The following MEI4 variants were observed in gnomAD, a reference collection of about 807,000 sequenced individuals.
MEI4 encodes the protein meiosis-specific protein MEI4.
A neutral mutation model predicts 31.4 loss-of-function variants in MEI4; 27 were observed. That is an observed-to-expected ratio of 0.86 (90% CI 0.63 to 1.19). The LOEUF (loss-of-function observed/expected upper bound fraction) is 1.19, where lower values mean the gene tolerates loss of function less well. Among genes scored for constraint, MEI4 ranks in the 50% most tolerant of loss-of-function variants. The pLI is 0.00. For synonymous variants in MEI4, 122 were observed against 145.4 expected (o/e 0.84, Z 1.16); for missense variants, 329 against 398.9 (o/e 0.82, Z 1.49).
intron 2 of MEI4, among the ~76,000 whole-genome samples, chr6:77,708,257 C>T (rs1170733300): frequency 6.6e-6 from 1 of 152,222 alleles, no homozygotes; most frequent in Non-Finnish European, 1.5e-5. Context: ...ATATGGGACA[C>T]TGAATCAAGG....
At chr6:77,708,113 T>C (rs1766371893) in intron 2 of MEI4, among the ~76,000 whole-genome samples, 2 of 152,168 alleles carry the variant, frequency 1.3e-5, no homozygotes, top group Admixed American at 6.5e-5. Context: ...GATTTGAGAA[T>C]GTTAGAGCCA....
chr6:77,695,323 C>T (rs558822882), intron 2 of MEI4, among the ~76,000 whole-genome samples: 1 of 151,890 alleles, frequency 6.6e-6, no homozygotes, highest in South Asian at 2.1e-4. Context: ...GTGTTTTAGA[C>T]ATGAAGTCCT....
At chr6:77,687,707 TA>T (rs890394748) in intron 1 of MEI4, among the ~76,000 whole-genome samples, 1 of 152,016 alleles carries the variant, frequency 6.6e-6, no homozygotes, top group African/African-American at 2.4e-5. Flanking sequence ...CAGTTTACTA[TA>T]AAAAATACAG....
At position 77,677,501 on chromosome 6, in the gene MEI4, C is replaced by A. The variant is rs142735784; in HGVS notation, c.-14-13157C>A. On this transcript the variant is annotated intron_variant, in intron 1 of 4. Transcript: ENST00000684080. ...CTAGTATAGTGTATCTAATGGATCACAAAGTACTTTTGATTTTACTTCAGT... is the reference window on the plus strand; with the variant it reads ...CTAGTATAGTGTATCTAATGGATCAAAAAGTACTTTTGATTTTACTTCAGT... Among the ~76,000 whole-genome samples the A allele has an allele frequency of 6.6e-4, 101 of 152,302 alleles. 1 individual carries two copies. The highest frequency in any genetic ancestry group is 2.3e-3 in the African/African-American group (97 of 41,564).
chr6:77,658,526 T>G (rs1768441534), intron 1 of MEI4, among the ~76,000 whole-genome samples: 2 of 151,956 alleles, frequency 1.3e-5, no homozygotes, highest in South Asian at 4.2e-4. Flanking sequence ...GGTGAAAATT[T>G]TTTGGGGGGT....
intron 1 of MEI4, among the ~76,000 whole-genome samples, chr6:77,687,134 C>A (rs1364945060): frequency 6.6e-6 from 1 of 151,746 alleles, no homozygotes; most frequent in Admixed American, 6.6e-5. Context: ...TTTTTCACAG[C>A]CCCATGGGGA....
Position 77,926,636 on chromosome 6 carries a change from A to G in MEI4, c.*3290A>G, listed in dbSNP as rs996428985. ...CATTTACAGATTTTCTGAACGCCATATTATGGGGAAAATATTGACAGCTCT... is the reference window on the plus strand; with the variant it reads ...CATTTACAGATTTTCTGAACGCCATGTTATGGGGAAAATATTGACAGCTCT... On this transcript the variant is annotated 3_prime_UTR_variant, in exon 5 of 5. Transcript: ENST00000684080. 1 of 151,960 alleles carries G rather than the reference A, an allele frequency of 6.6e-6. No homozygotes were observed. The highest frequency in any genetic ancestry group is 1.5e-5 in the Non-Finnish European group (1 of 67,940). 9.4% of individuals were successfully genotyped at this position (151,960 alleles called of 1,614,324 possible).
intron 2 of MEI4, among the ~76,000 whole-genome samples, chr6:77,698,637 A>G (rs1204523024): frequency 6.6e-6 from 1 of 152,128 alleles, no homozygotes; most frequent in Non-Finnish European, 1.5e-5. Context: ...TGAGAGATCC[A>G]CTGGTAGTCT....
At chr6:77,734,890 A>T (rs956683635) in intron 2 of MEI4, among the ~76,000 whole-genome samples, 11 of 151,840 alleles carry the variant, frequency 7.2e-5, no homozygotes, top group African/African-American at 2.4e-4. Flanking sequence ...TCCTTCACTT[A>T]TGAAGCTTAG....
At chr6:77,684,456 T>TC (rs1769015597) in intron 1 of MEI4, among the ~76,000 whole-genome samples, 1 of 152,062 alleles carries the variant, frequency 6.6e-6, no homozygotes, top group Non-Finnish European at 1.5e-5. Flanking sequence ...TGTCTACTTT[T>TC]TTTTTTGGTA....
At chr6:77,914,865 G>A (rs1195031371) in intron 4 of MEI4, among the ~76,000 whole-genome samples, 1 of 152,008 alleles carries the variant, frequency 6.6e-6, no homozygotes, top group Non-Finnish European at 1.5e-5. Flanking sequence ...TTTTATCAAA[G>A]TATCACTTCT....
chr6:77,741,552 A>G (rs948388343), intron 2 of MEI4, among the ~76,000 whole-genome samples: 1 of 152,152 alleles, frequency 6.6e-6, no homozygotes, highest in Non-Finnish European at 1.5e-5. Context: ...AGTTAATTTT[A>G]TATGTCCACT....
At chr6:77,774,155 G>C (rs533081946) in intron 3 of MEI4, among the ~76,000 whole-genome samples, 1 of 152,184 alleles carries the variant, frequency 6.6e-6, no homozygotes, top group Non-Finnish European at 1.5e-5. Flanking sequence ...GAACCCCACT[G>C]CTAGGTGTAT....
In MEI4 at chr6:77,761,274, C is replaced by T. The variant is rs547890164; in HGVS notation, c.377C>T (p.Thr126Ile). ...TCCCAGCACTTTGTGGAAAGCTGTA[C>T]CCCCACTCACTTTCCACCACTGCCT... The part of the protein sequence containing the change: ...DLSQHFVESC[T>I]PTHFPPLPLV... Residue 126 changes from threonine (T) to isoleucine (I), a missense_variant, in exon 3 of 5, where the codon ACC becomes ATC. Coordinates refer to ENST00000684080, the MANE Select transcript of MEI4 (RefSeq NM_001322247.2). The T allele has an allele frequency of 6.0e-5, 74 of 1,232,500 alleles. No individual in the cohort carries two copies. Among genetic ancestry groups the T allele is most frequent in the Non-Finnish European group, 7.2e-5 (71 of 988,058 alleles). The allele number at this position is 1,232,500 out of a possible 1,614,324, so 76.3% of individuals were successfully genotyped here.
chr6:77,659,259 G>A (rs878982295), intron 1 of MEI4, among the ~76,000 whole-genome samples: 60 of 152,018 alleles, frequency 3.9e-4, no homozygotes, highest in African/African-American at 1.3e-3. Context: ...GGAGCTCTTC[G>A]GTCCCATTTG....
chr6:77,911,010 C>T (rs984094058), intron 4 of MEI4, among the ~76,000 whole-genome samples: 1 of 150,882 alleles, frequency 6.6e-6, no homozygotes, highest in African/African-American at 2.4e-5. Context: ...TTTGCATTTC[C>T]CTGATGATTA....
At chr6:77,909,828 A>C (rs1356148348) in intron 4 of MEI4, among the ~76,000 whole-genome samples, 1 of 152,192 alleles carries the variant, frequency 6.6e-6, no homozygotes, top group Non-Finnish European at 1.5e-5. Context: ...TGGCAAACCG[A>C]ATCCAGTAGT....
At chr6:77,891,209 A>T (rs117973475) in intron 4 of MEI4, among the ~76,000 whole-genome samples, 2 of 152,156 alleles carry the variant, frequency 1.3e-5, no homozygotes, top group African/African-American at 4.8e-5. Context: ...GTTTTCTGCT[A>T]TTAATTTGTT....
Position 77,854,504 on chromosome 6 carries a change from A to G in MEI4, c.900+25442A>G, listed in dbSNP as rs1205379870. ...GTACATCTTTTTTAGTAAGATAAAAATATATTATTTTTATTTAAAAATTAA... is the reference window on the plus strand; with the variant it reads ...GTACATCTTTTTTAGTAAGATAAAAGTATATTATTTTTATTTAAAAATTAA... On this transcript the variant is annotated intron_variant, in intron 4 of 4. Transcript: ENST00000684080. 2.0e-5 allele frequency among the ~76,000 whole-genome samples: 3 copies of G among 151,668 alleles called. 1 individual carries two copies. The highest frequency in any genetic ancestry group is 7.3e-5 in the African/African-American group (3 of 41,340).
Sources: gnomAD v4.1 joint callset for allele counts (sites outside exome capture counted in the v4.1 genomes callset) on GRCh38, gnomAD v4.1.1 for gene constraint, MANE v1.5 for transcripts, NCBI Gene and HGNC (gene_info 2026-07-23, HGNC 2026-07-21) for gene names.